Variants in EMCN observed in about 807,000 individuals in gnomAD.
The protein encoded by EMCN is MUC-14.
EMCN carries 37 observed loss-of-function variants against 38.4 expected under a neutral mutation model. The ratio of observed to expected loss-of-function variants is 0.96; its 90% CI spans 0.74 to 1.27. The LOEUF (loss-of-function observed/expected upper bound fraction) is 1.27, where lower values mean the gene tolerates loss of function less well. Among genes scored for constraint, EMCN ranks in the 50% most tolerant of loss-of-function variants. The probability of loss-of-function intolerance (pLI) is 0.00; values close to 1 mark genes in which losing one functional copy is unlikely to be tolerated. For missense variants in EMCN, 318 were observed against 302.8 expected (o/e 1.05, Z -0.37); for synonymous variants, 95 against 100.8 (o/e 0.94, Z 0.35).
At chr4:100,431,756 C>G (rs975698117) in intron 5 of EMCN, among the ~76,000 whole-genome samples, 4 of 55,826 alleles carry the variant, frequency 7.2e-5, no homozygotes, top group African/African-American at 2.7e-4. Context: ...TCTGCTCTCT[C>G]TCTCTCACTT....
At chr4:100,410,085 G>A (rs547067663) in intron 11 of EMCN, among the ~76,000 whole-genome samples, 197 bp downstream of exon 11, 6 of 152,308 alleles carry the variant, frequency 3.9e-5, no homozygotes, top group Admixed American at 2.0e-4. Context: ...TGGACAAATC[G>A]TCTACAACCA....
chr4:100,418,960 C>T lies in EMCN; in HGVS notation c.665-1819G>A, dbSNP rs186774660. Among the ~76,000 whole-genome samples the T allele has an allele frequency of 9.2e-5, 14 of 152,090 alleles. No homozygotes were observed. The East Asian group carries it at 2.1e-3, about 23-fold the overall frequency. ...CTGTATTTTTAGTTTTTTTGAGGAA[C>T]CTCCAAGCTGTTCTCCATAGTGGTT... On this transcript the variant is annotated intron_variant, in intron 8 of 11. Transcript: ENST00000296420.
chr4:100,411,682 T>C (rs900409628), intron 10 of EMCN, among the ~76,000 whole-genome samples: 1 of 152,186 alleles, frequency 6.6e-6, no homozygotes, highest in Non-Finnish European at 1.5e-5. Flanking sequence ...TATTCTCTAT[T>C]TTTTTCTATT....
At chr4:100,437,280 G>C (rs1292094506) in intron 5 of EMCN, among the ~76,000 whole-genome samples, 1 of 151,718 alleles carries the variant, frequency 6.6e-6, no homozygotes, top group East Asian at 1.9e-4. Context: ...CATGCTATTT[G>C]TCTTTCTACA....
chr4:100,403,071 T>C (rs2110204481), intron 11 of EMCN, among the ~76,000 whole-genome samples: 1 of 152,220 alleles, frequency 6.6e-6, no homozygotes, highest in East Asian at 1.9e-4. Flanking sequence ...CAGGTTCCTT[T>C]TTTTTCCTTT....
chr4:100,471,622 C>T (rs187250001), intron 3 of EMCN, among the ~76,000 whole-genome samples: 192 of 151,828 alleles, frequency 1.3e-3, no homozygotes, highest in African/African-American at 4.4e-3. Flanking sequence ...CAAAACTAGA[C>T]AAATACATCA....
intron 8 of EMCN, among the ~76,000 whole-genome samples, chr4:100,420,452 G>A (rs750573719): frequency 1.3e-5 from 2 of 152,010 alleles, no homozygotes; most frequent in African/African-American, 2.4e-5. Context: ...ATGGATGAGG[G>A]CATGGATACA....
At chr4:100,517,793 G>T in intron 1 of EMCN, 58 bp downstream of exon 1, 1 of 1,515,898 alleles carries the variant, frequency 6.6e-7, no homozygotes, top group Non-Finnish European at 9.2e-7. Context: ...AACTGAGGCT[G>T]AGTCACCTAC....
rs139579228 is a variant in EMCN at position 100,413,707 on chromosome 4, G to T, written c.751+2191C>A. Among the ~76,000 whole-genome samples, 555 of 152,224 alleles carry T rather than the reference G, an allele frequency of 3.6e-3. 6 individuals carry two copies. Among genetic ancestry groups the T allele is most frequent in the African/African-American group, 0.013 (524 of 41,540 alleles). On this transcript the variant is annotated intron_variant, in intron 10 of 11. Transcript: ENST00000296420. ...GCCTTATCACCAAATATTTTCCATG[G>T]TAATCATCTGGGTTGCCCTTTGAGA...
At chr4:100,451,554 G>A (rs1027242442) in intron 4 of EMCN, among the ~76,000 whole-genome samples, 2 of 151,910 alleles carry the variant, frequency 1.3e-5, no homozygotes, top group Non-Finnish European at 1.5e-5. Flanking sequence ...ACACCTACTT[G>A]TCAAGTGCAT....
intron 5 of EMCN, among the ~76,000 whole-genome samples, chr4:100,437,669 C>T (rs1456705520): frequency 6.6e-6 from 1 of 152,068 alleles, no homozygotes; most frequent in Non-Finnish European, 1.5e-5. Flanking sequence ...CTATCATATA[C>T]CCATTGTGTG....
At chr4:100,467,864 C>T (rs1296638239) in intron 3 of EMCN, among the ~76,000 whole-genome samples, 1 of 152,134 alleles carries the variant, frequency 6.6e-6, no homozygotes, top group Non-Finnish European at 1.5e-5. Flanking sequence ...TAAATACTTT[C>T]TACTTTCCCC....
chr4:100,505,080 C>G (rs907340344), intron 1 of EMCN, among the ~76,000 whole-genome samples: 1 of 152,186 alleles, frequency 6.6e-6, no homozygotes, highest in African/African-American at 2.4e-5. Flanking sequence ...CAGGGAAGGG[C>G]CCCCTGTCCA....
intron 3 of EMCN, 30 bp downstream of exon 3, chr4:100,475,008 A>C: frequency 8.1e-7 from 1 of 1,241,700 alleles, no homozygotes; most frequent in Non-Finnish European, 1.1e-6. Flanking sequence ...TATATTTTTT[A>C]AAATTGTAGA....
chr4:100,493,801 A>T (rs764266505), intron 1 of EMCN, among the ~76,000 whole-genome samples: 2 of 152,228 alleles, frequency 1.3e-5, no homozygotes, highest in Non-Finnish European at 2.9e-5. Flanking sequence ...TAGCAGTAGA[A>T]GTAGAGTTTA....
intron 11 of EMCN, among the ~76,000 whole-genome samples, chr4:100,406,971 C>A (rs995655477): frequency 6.6e-6 from 1 of 151,456 alleles, no homozygotes; most frequent in Non-Finnish European, 1.5e-5. Flanking sequence ...CCCTTTATCA[C>A]TTCCTTTCTT....
At chr4:100,405,339 T>C (rs1726364586) in intron 11 of EMCN, among the ~76,000 whole-genome samples, 4 of 152,070 alleles carry the variant, frequency 2.6e-5, no homozygotes. Flanking sequence ...CAGTCTGATG[T>C]TGGTTGTGGG....
At chr4:100,446,015 A>G (rs1727662084) in intron 5 of EMCN, 8 of 945,342 alleles carry the variant, frequency 8.5e-6, no homozygotes, top group Non-Finnish European at 8.8e-6. Flanking sequence ...TATAGCTGGC[A>G]TTTTGTAAAT....
At chr4:100,472,960 C>T (rs1481982660) in intron 3 of EMCN, among the ~76,000 whole-genome samples, 2 of 144,896 alleles carry the variant, frequency 1.4e-5, no homozygotes, top group Non-Finnish European at 3.0e-5. Flanking sequence ...AAATAAACTT[C>T]TATATATATA....
Sources: gnomAD v4.1 joint callset for allele counts (sites outside exome capture counted in the v4.1 genomes callset) on GRCh38, gnomAD v4.1.1 for gene constraint, MANE v1.5 for transcripts, NCBI Gene and HGNC (gene_info 2026-07-23, HGNC 2026-07-21) for gene names.